PPARGC1A: variants seen among roughly 807,000 people sequenced by gnomAD.
The protein encoded by PPARGC1A is PPARG coactivator 1 alpha.
A neutral mutation model predicts 88.7 loss-of-function variants in PPARGC1A; 25 were observed. That is an observed-to-expected ratio of 0.28 (90% CI 0.21 to 0.39). PPARGC1A has a LOEUF of 0.39. Among genes scored for constraint, PPARGC1A ranks in the 10% least tolerant of loss-of-function variants. PPARGC1A has a pLI of 1.00. For missense variants in PPARGC1A, 880 were observed against 968.7 expected, an observed-to-expected ratio of 0.91 and a Z score of 1.22; for synonymous variants, 363 against 355.6, an observed-to-expected ratio of 1.02 and a Z score of -0.24.
chr4:24,019,199 T>C, the PPARGC1A span, among the ~76,000 whole-genome samples: 76 of 152,274 alleles, frequency 5.0e-4, no homozygotes, highest in African/African-American at 1.7e-3. Flanking sequence ...GAAGAACATC[T>C]TTCCAACCAA....
chr4:24,194,211 T>G, the PPARGC1A span, among the ~76,000 whole-genome samples: 1 of 151,836 alleles, frequency 6.6e-6, no homozygotes, highest in Admixed American at 6.6e-5. Flanking sequence ...AACTCTCCAG[T>G]AGGAAGAATA....
At chr4:24,420,127 C>T in the PPARGC1A span, among the ~76,000 whole-genome samples, 2 of 152,174 alleles carry the variant, frequency 1.3e-5, no homozygotes, top group Non-Finnish European at 2.9e-5. Context: ...TAACCAAAAG[C>T]GTATGCACCT....
At chr4:23,811,634 G>A (rs569530795) in intron 10 of PPARGC1A, among the ~76,000 whole-genome samples, 4 of 152,224 alleles carry the variant, frequency 2.6e-5, no homozygotes, top group South Asian at 2.1e-4. Context: ...GATAAACAGC[G>A]GTAGGGAGTT....
chr4:23,961,801 C>T, the PPARGC1A span, among the ~76,000 whole-genome samples: 7 of 152,210 alleles, frequency 4.6e-5, no homozygotes, highest in African/African-American at 1.7e-4. Context: ...CATGTTAGGC[C>T]GTGATGAGAT....
chr4:24,113,902 T>C, the PPARGC1A span, among the ~76,000 whole-genome samples: 4 of 151,880 alleles, frequency 2.6e-5, no homozygotes, highest in Non-Finnish European at 5.9e-5. Flanking sequence ...GGAGGGCAGA[T>C]CACTTGAGGT....
chr4:23,813,650 G>A (rs1347202242), intron 8 of PPARGC1A, 40 bp downstream of exon 8: 1 of 1,438,480 alleles, frequency 7.0e-7, no homozygotes, highest in Admixed American at 2.3e-5. Flanking sequence ...TTACTTCTTA[G>A]GAACACCTTT....
Position 23,793,712 on chromosome 4 carries a change from T to G in PPARGC1A, c.*2110A>C. On this transcript the variant is annotated 3_prime_UTR_variant, in exon 13 of 13. Coordinates refer to ENST00000264867, the MANE Select transcript of PPARGC1A (RefSeq NM_013261.5). ...GAAATCCTGATGATCAAAATGGAGG[T>G]TTTTCTGAAGTTTTTATTAAATTTA... 1 of 151,638 alleles carries G rather than the reference T, an allele frequency of 6.6e-6. No homozygotes were observed. The highest frequency in any genetic ancestry group is 1.5e-5 in the Non-Finnish European group (1 of 67,942). The allele number at this position is 151,638 out of a possible 1,614,324, so 9.4% of individuals were successfully genotyped here.
chr4:24,164,987 C>A, the PPARGC1A span, among the ~76,000 whole-genome samples: 2 of 152,008 alleles, frequency 1.3e-5, no homozygotes, highest in African/African-American at 4.8e-5. Flanking sequence ...ATTCAAAGTC[C>A]CTCCAAGATT....
At chr4:23,955,838 T>G in the PPARGC1A span, among the ~76,000 whole-genome samples, 3 of 152,228 alleles carry the variant, frequency 2.0e-5, 1 homozygote, top group Admixed American at 6.5e-5. Context: ...TATTGATAAA[T>G]AGCCATGTTA....
At chr4:24,166,209 T>C in the PPARGC1A span, among the ~76,000 whole-genome samples, 1 of 152,342 alleles carries the variant, frequency 6.6e-6, no homozygotes, top group African/African-American at 2.4e-5. Context: ...CTAACTCTCT[T>C]CAATTCTAAA....
At chr4:24,183,438 T>C in the PPARGC1A span, among the ~76,000 whole-genome samples, 2 of 152,186 alleles carry the variant, frequency 1.3e-5, no homozygotes, top group African/African-American at 2.4e-5. Flanking sequence ...ACTGAAGAGT[T>C]ATCTCATTGA....
At chr4:23,854,776 C>T (rs1172389072) in intron 2 of PPARGC1A, among the ~76,000 whole-genome samples, 3 of 151,714 alleles carry the variant, frequency 2.0e-5, no homozygotes, top group Non-Finnish European at 4.4e-5. Flanking sequence ...TAATACGATG[C>T]TTGGAATATG....
At chr4:24,256,033 G>A in the PPARGC1A span, among the ~76,000 whole-genome samples, 12 of 152,176 alleles carry the variant, frequency 7.9e-5, no homozygotes, top group Non-Finnish European at 1.8e-4. Flanking sequence ...ACCTCATTGG[G>A]ATCTCACCAT....
the PPARGC1A span, among the ~76,000 whole-genome samples, chr4:24,027,023 A>G: frequency 3.1e-4 from 47 of 152,166 alleles, no homozygotes; most frequent in African/African-American, 1.1e-3. Context: ...GTGGAGACAT[A>G]CAAGGAAAGC....
the PPARGC1A span, among the ~76,000 whole-genome samples, chr4:24,434,852 G>A: frequency 2.0e-5 from 3 of 152,170 alleles, no homozygotes; most frequent in East Asian, 1.9e-4. Flanking sequence ...CATCCACCTC[G>A]TGGGGAGAAT....
the PPARGC1A span, among the ~76,000 whole-genome samples, chr4:24,239,056 A>G: frequency 1.3e-5 from 2 of 152,178 alleles, no homozygotes; most frequent in Non-Finnish European, 2.9e-5. Flanking sequence ...AGACACAACT[A>G]TTAGTATAAT....
the PPARGC1A span, among the ~76,000 whole-genome samples, chr4:24,272,030 C>G: frequency 6.6e-6 from 1 of 152,218 alleles, no homozygotes; most frequent in South Asian, 2.1e-4. Context: ...TGACTGTTAG[C>G]TTCTGTCTCT....
the PPARGC1A span, among the ~76,000 whole-genome samples, chr4:24,055,594 C>G: frequency 2.0e-5 from 3 of 152,198 alleles, no homozygotes. Context: ...ATTATGTTAA[C>G]TTGGCAGAAA....
the PPARGC1A span, among the ~76,000 whole-genome samples, chr4:24,247,071 G>A: frequency 3.9e-5 from 6 of 152,304 alleles, no homozygotes; most frequent in Non-Finnish European, 8.8e-5. Flanking sequence ...TGGATTGGGT[G>A]CAGAAGAAAG....
Sources: allele counts gnomAD v4.1 joint callset (sites outside exome capture counted in the v4.1 genomes callset), GRCh38; gene constraint gnomAD v4.1.1; transcripts MANE v1.5; gene names NCBI Gene and HGNC (gene_info 2026-07-23, HGNC 2026-07-21).